PIK3C2B: variants seen among roughly 807,000 people sequenced by gnomAD.
PIK3C2B encodes phosphatidylinositol-4-phosphate 3-kinase catalytic subunit type 2 beta.
Under a neutral mutation model 184.3 loss-of-function variants are expected in PIK3C2B, and 83 were observed. The observed-to-expected ratio is 0.45, with a 90% CI of 0.38 to 0.54. PIK3C2B has a LOEUF of 0.54. PIK3C2B is among the 20% of genes least tolerant of loss of function. The pLI is 0.00. For synonymous variants in PIK3C2B, 779 were observed against 837.6 expected (o/e 0.93, Z 1.21); for missense variants, 1,736 against 2,113.5 (o/e 0.82, Z 3.50).
intron 23 of PIK3C2B, among the ~76,000 whole-genome samples, chr1:204,438,142 G>T (rs977555103): frequency 1.1e-4 from 17 of 152,184 alleles, no homozygotes; most frequent in Admixed American, 5.2e-4. Context: ...AAAGTACATT[G>T]ATCAATATAA....
chr1:204,427,519 A>AG (rs1674806851), intron 31 of PIK3C2B, 129 bp downstream of exon 31: 1 of 656,630 alleles, frequency 1.5e-6, no homozygotes, highest in Non-Finnish European at 2.7e-6. Context: ...CTATGGTTAT[A>AG]GGTCCATGGT....
chr1:204,493,421 C>T lies in PIK3C2B; in HGVS notation c.-85+935G>A, dbSNP rs530451611. Among the ~76,000 whole-genome samples the T allele has an allele frequency of 1.1e-4, 16 of 151,978 alleles. No homozygotes were observed. In the South Asian group the frequency reaches 2.7e-3, roughly 26 times the overall value. On this transcript the variant is annotated intron_variant, in intron 1 of 32. Coordinates refer to ENST00000684373, the MANE Select transcript of PIK3C2B (RefSeq NM_001377334.1). ...GCCAGAGACAATACAGCGATTCCAT[C>T]CCAGGCATGATTGGAAGGGCTGGGG... is the stretch of plus-strand genomic sequence containing the variant.
chr1:204,440,471 T>G (rs1440511075), intron 21 of PIK3C2B, 150 bp from the exon 22 acceptor site: 2 of 722,224 alleles, frequency 2.8e-6, no homozygotes, highest in African/African-American at 3.7e-5. Context: ...TCACACCAGG[T>G]CAAAGATGGC....
At chr1:204,466,327 C>T (rs1188969381) in intron 2 of PIK3C2B, among the ~76,000 whole-genome samples, 3 of 152,220 alleles carry the variant, frequency 2.0e-5, no homozygotes, top group Non-Finnish European at 4.4e-5. Context: ...CATAGCAACG[C>T]CTCACATCTC....
chr1:204,486,977 T>C (rs929219533), intron 1 of PIK3C2B, among the ~76,000 whole-genome samples: 2 of 152,170 alleles, frequency 1.3e-5, no homozygotes, highest in African/African-American at 4.8e-5. Context: ...CCAGTTAATC[T>C]TTGTATTTTC....
chr1:204,479,484 T>C (rs150231260), intron 1 of PIK3C2B, among the ~76,000 whole-genome samples: 112 of 151,966 alleles, frequency 7.4e-4, no homozygotes, highest in African/African-American at 2.6e-3. Flanking sequence ...CCATCCTGTA[T>C]CAGAAAAACA....
At chr1:204,484,963 GA>G (rs1313475480) in intron 1 of PIK3C2B, among the ~76,000 whole-genome samples, 5 of 152,116 alleles carry the variant, frequency 3.3e-5, no homozygotes, top group African/African-American at 7.2e-5. Context: ...ATAGAGGTGA[GA>G]CCAGAAGTGG....
chr1:204,429,869 C>T, intron 29 of PIK3C2B, 52 bp downstream of exon 29: 1 of 1,239,258 alleles, frequency 8.1e-7, no homozygotes, highest in Non-Finnish European at 1.2e-6. Context: ...CTCTGCCTCC[C>T]CAACCATCCC....
chr1:204,433,865 A>G lies in PIK3C2B; in HGVS notation c.3771T>C (p.Phe1257=). 1 of 1,614,196 alleles carries G rather than the reference A, an allele frequency of 6.2e-7. No individual in the cohort carries two copies. Among genetic ancestry groups the G allele is most frequent in the Non-Finnish European group, 8.5e-7 (1 of 1,180,030 alleles). Residue 1257 remains phenylalanine (F), a synonymous_variant, in exon 25 of 33, where the codon TTT becomes TTC. Transcript: ENST00000684373. The surrounding 1 kb of genome is among the most constrained non-coding windows in gnomAD (Gnocchi z 5.0). ...TGTAGGCTTGGCAGCAAAGGTCAAC[A>G]AAATCATGGAAGCGGCTGGAAGGCT... ...GDKPSSRFHD[F]VDLCCQAYNL... is the part of the protein sequence containing the mutation.
At chr1:204,486,994 G>C (rs1423520850) in intron 1 of PIK3C2B, among the ~76,000 whole-genome samples, 2 of 152,184 alleles carry the variant, frequency 1.3e-5, no homozygotes, top group African/African-American at 4.8e-5. Flanking sequence ...TTTCAGTAGA[G>C]ACAGGGTTTC....
rs752240855 is a variant in PIK3C2B, at chr1:204,439,066, C to T, written c.3385G>A (p.Val1129Met). 1 of 1,613,560 alleles carries T rather than the reference C, an allele frequency of 6.2e-7. No homozygotes were observed. Among genetic ancestry groups the T allele is most frequent in the Non-Finnish European group, 8.5e-7 (1 of 1,179,816 alleles). Reference protein sequence around the residue: ...CFSTGRGRGMVEMIPNAETLR... With the variant: ...CFSTGRGRGMMEMIPNAETLR... Reference sequence around the variant, plus strand: ...GTCTCAGCATTAGGGATCATCTCCACCATCCCTGTGAGGGGAGAAATGGGG... The same window carrying T: ...GTCTCAGCATTAGGGATCATCTCCATCATCCCTGTGAGGGGAGAAATGGGG... The change falls in exon 23 of 33, where the codon GTG becomes ATG. Residue 1129 changes from valine to methionine, a missense_variant. Val to Met is a conservative substitution (Grantham distance 21). Transcript: ENST00000684373.
Position 204,469,513 on chromosome 1 carries a change from G to A in PIK3C2B, c.290C>T (p.Ser97Phe). The change falls in exon 2 of 33, where the codon TCC becomes TTC. Residue 97 changes from serine to phenylalanine, a missense_variant. Transcript: ENST00000684373. ...GTGGTTGGGCGGCCCTTCCTGTGGG[G>A]AGAGTGAGTTGTAGTTAAGGGTAGG... is the stretch of plus-strand genomic sequence containing the variant. Reference protein sequence around the residue: ...SDPTLNYNSLSPQEGPPNHST... With the variant: ...SDPTLNYNSLFPQEGPPNHST... The A allele has an allele frequency of 6.2e-7, 1 of 1,607,948 alleles. No homozygotes were observed.
At chr1:204,449,116 C>A in intron 14 of PIK3C2B, 69 bp downstream of exon 14, 1 of 1,129,212 alleles carries the variant, frequency 8.9e-7, no homozygotes, top group Non-Finnish European at 1.3e-6. Context: ...CCCAAATCTC[C>A]AGGAGAAAAA....
At chr1:204,441,377 G>T in intron 21 of PIK3C2B, 94 bp downstream of exon 21, 1 of 732,690 alleles carries the variant, frequency 1.4e-6, no homozygotes. Flanking sequence ...GGAACAGTGG[G>T]AAGAGAACCA....
Position 204,466,948 on chromosome 1 carries a change from C to A in PIK3C2B, c.934-1629G>T, listed in dbSNP as rs556503299. 78 of 532,218 alleles carry A rather than the reference C, an allele frequency of 1.5e-4. No individual in the cohort carries two copies. The East Asian group carries it at 4.2e-3, about 29-fold the overall frequency. 33.0% of individuals were successfully genotyped at this position (532,218 alleles called of 1,614,324 possible). A position where few individuals can be genotyped will look rare whatever the true frequency, so the allele number is the denominator to read the frequency against. ...GGCTGGAAGCCCGACGAAAGCGGGG[C>A]GGTGGTATAGGCCGAGGGCCCAAGG... On this transcript the variant is annotated intron_variant, in intron 2 of 32. Transcript: ENST00000684373.
intron 5 of PIK3C2B, among the ~76,000 whole-genome samples, chr1:204,460,919 C>G (rs184780329): frequency 1.3e-5 from 2 of 152,314 alleles, no homozygotes; most frequent in Admixed American, 1.3e-4. Flanking sequence ...ATATTTATTA[C>G]CCGTGTGGTA....
At chr1:204,459,282 G>A (rs1342524120) in intron 8 of PIK3C2B, among the ~76,000 whole-genome samples, 1 of 152,200 alleles carries the variant, frequency 6.6e-6, no homozygotes, top group Non-Finnish European at 1.5e-5. Context: ...TTCCCAAAGG[G>A]TTAGGATTAC....
intron 12 of PIK3C2B, among the ~76,000 whole-genome samples, chr1:204,453,385 T>C (rs369584705): frequency 6.6e-6 from 1 of 152,246 alleles, no homozygotes; most frequent in Non-Finnish European, 1.5e-5. Flanking sequence ...AATTATTGTT[T>C]ACATGTGGTG....
rs768917174 is a variant in PIK3C2B, at chr1:204,442,624, G to A, written c.3058C>T (p.Arg1020Cys). 37 of 1,550,054 alleles carry A rather than the reference G, an allele frequency of 2.4e-5. No individual in the cohort carries two copies. The highest frequency in any genetic ancestry group is 1.7e-4 in the Middle Eastern group (1 of 5,984). The stretch of plus-strand genomic sequence containing the variant: ...TGCTTCACCTCCTCCAGGCCCGTGC[G>A]GAGGATTCCCTGGAAAGAAGGGGAG... Reference protein sequence around the residue: ...AAPSARQGILRTGLEEVKQFF... With the variant: ...AAPSARQGILCTGLEEVKQFF... The change falls in exon 20 of 33, where the codon CGC (arginine) becomes TGC (cysteine). Residue 1020 changes from arginine to cysteine, a missense_variant. Around this residue, in one of 8 missense-constraint regions of PIK3C2B, gnomAD observed 289 missense variants for 380.4 expected, o/e 0.76. Transcript: ENST00000684373.
Sources: gnomAD v4.1 joint callset for allele counts (sites outside exome capture counted in the v4.1 genomes callset) on GRCh38, gnomAD v4.1.1 for gene constraint, gnomAD v4.1.1 regional missense constraint, Gnocchi (gnomAD v3.1) non-coding constraint, MANE v1.5 for transcripts, NCBI Gene and HGNC (gene_info 2026-07-23, HGNC 2026-07-21) for gene names.